The following EVI5 variants were observed in gnomAD, a reference collection of about 807,000 sequenced individuals.
The protein encoded by EVI5 is ecotropic viral integration site 5, also known as ecotropic viral integration site 5 protein homolog.
EVI5 carries 73 observed loss-of-function variants against 112.0 expected under a neutral mutation model. The observed-to-expected ratio is 0.65, with a 90% CI of 0.54 to 0.79. EVI5 has a LOEUF of 0.79. Ranked by LOEUF, EVI5 falls within the 30% of genes least tolerant of loss-of-function variation. The pLI is 0.00. For missense variants in EVI5, 900 were observed against 968.8 expected (o/e 0.93, Z 0.94); for synonymous variants, 305 against 319.9 (o/e 0.95, Z 0.50).
intron 2 of EVI5, among the ~76,000 whole-genome samples, chr1:92,706,899 T>C (rs1672054199): frequency 6.6e-6 from 1 of 152,088 alleles, no homozygotes; most frequent in South Asian, 2.1e-4. Flanking sequence ...AGGAAAACCA[T>C]GGCCGGGCGT....
In EVI5 at chr1:92,693,717, G is replaced by C. The variant is rs375701010; in HGVS notation, c.1097+85C>G. 8.2e-5 allele frequency: 60 copies of C among 728,034 alleles called. No individual in the cohort carries two copies. In the African/African-American group the frequency reaches 9.2e-4, roughly 11 times the overall value. 45.1% of individuals were successfully genotyped at this position (728,034 alleles called of 1,614,324 possible). A position where few individuals can be genotyped will look rare whatever the true frequency, so the allele number is the denominator to read the frequency against. On this transcript the variant is annotated intron_variant, in intron 9 of 19. Coordinates refer to ENST00000684568, the MANE Select transcript of EVI5 (RefSeq NM_001350197.2). ...CAATACCACCGAAGAAAATAATATA[G>C]TTCTATAACCTAAGGAGGAAAACTG...
chr1:92,599,477 A>G (rs979034118), intron 18 of EVI5, among the ~76,000 whole-genome samples: 1 of 152,074 alleles, frequency 6.6e-6, no homozygotes, highest in African/African-American at 2.4e-5. Context: ...TTCAGGTTTT[A>G]ATGAAAGATC....
chr1:92,576,249 T>A (rs1449472650), intron 18 of EVI5, among the ~76,000 whole-genome samples: 1 of 152,240 alleles, frequency 6.6e-6, no homozygotes, highest in Non-Finnish European at 1.5e-5. Context: ...CATGTGTACA[T>A]ATGTATATTA....
intron 19 of EVI5, among the ~76,000 whole-genome samples, chr1:92,545,784 T>C (rs776897965): frequency 1.3e-4 from 20 of 152,160 alleles, no homozygotes; most frequent in Non-Finnish European, 2.9e-4. Context: ...TCACTTTGGC[T>C]TCAGGAGTGC....
At chr1:92,711,177 G>T (rs1307616668) in intron 2 of EVI5, among the ~76,000 whole-genome samples, 1 of 152,148 alleles carries the variant, frequency 6.6e-6, no homozygotes, top group Non-Finnish European at 1.5e-5. Context: ...GTTCTCTTTT[G>T]AGTATTTGGA....
intron 14 of EVI5, 21 bp downstream of exon 14, chr1:92,636,181 G>A (rs769967516): frequency 1.3e-6 from 2 of 1,595,870 alleles, no homozygotes; most frequent in Admixed American, 1.7e-5. Context: ...GGGAATGACT[G>A]CATTTGTGTA....
chr1:92,538,752 C>T (rs934217915), intron 19 of EVI5, among the ~76,000 whole-genome samples: 3 of 152,090 alleles, frequency 2.0e-5, no homozygotes, highest in Admixed American at 2.0e-4. Flanking sequence ...TGATGATGTT[C>T]GAGTTGGGTC....
chr1:92,538,261 A>G (rs1238594598), intron 19 of EVI5, among the ~76,000 whole-genome samples: 3 of 152,212 alleles, frequency 2.0e-5, no homozygotes, highest in African/African-American at 7.2e-5. Flanking sequence ...GAGGCTACGA[A>G]TATGTGAGGT....
intron 19 of EVI5, among the ~76,000 whole-genome samples, chr1:92,519,061 G>A (rs1440480283): frequency 2.0e-5 from 3 of 152,042 alleles, no homozygotes; most frequent in African/African-American, 7.2e-5. Context: ...TTTTTAAAAC[G>A]TCTTTTGGAT....
intron 14 of EVI5, among the ~76,000 whole-genome samples, chr1:92,628,021 C>A (rs1194329928): frequency 6.6e-6 from 1 of 152,130 alleles, no homozygotes; most frequent in East Asian, 1.9e-4. Flanking sequence ...AACTCCTGAC[C>A]TTGTGATCCA....
intron 18 of EVI5, among the ~76,000 whole-genome samples, chr1:92,575,325 C>T (rs1670892054): frequency 6.6e-6 from 1 of 152,086 alleles, no homozygotes; most frequent in South Asian, 2.1e-4. Flanking sequence ...CATTTTACTA[C>T]CGTATATTTC....
chr1:92,561,612 T>TC (rs35627439), intron 19 of EVI5, among the ~76,000 whole-genome samples: 100 of 24,288 alleles, frequency 4.1e-3, no homozygotes, highest in Non-Finnish European at 5.2e-3. Context: ...ATCTATCCTA[T>TC]CTATCTATCT....
rs141618622 is a variant in EVI5 at position 92,572,677 on chromosome 1, G to A, written c.2071-8940C>T. ...TGGAATGATACCACCCTAACTCCAT[G>A]GGTAGGATCTGACTGGTCAAGTCTA... On this transcript the variant is annotated intron_variant, in intron 18 of 19. Transcript: ENST00000684568. 1.1e-3 allele frequency among the ~76,000 whole-genome samples: 173 copies of A among 152,180 alleles called. 2 individuals carry two copies. The Middle Eastern group carries it at 0.024, about 21-fold the overall frequency.
In EVI5 at chr1:92,693,435, T is replaced by C. The variant is rs571607149; in HGVS notation, c.1097+367A>G. Among the ~76,000 whole-genome samples the C allele has an allele frequency of 4.6e-5, 7 of 152,250 alleles. No homozygotes were observed. The South Asian group carries it at 1.5e-3, about 32-fold the overall frequency. Reference sequence around the variant, plus strand: ...GTTCTCAATCCATACCTCATGTCTATCTTGCTGGTTATGCTAATTTTGAAC... The same window carrying C: ...GTTCTCAATCCATACCTCATGTCTACCTTGCTGGTTATGCTAATTTTGAAC... On this transcript the variant is annotated intron_variant, in intron 9 of 19. Coordinates refer to ENST00000684568, the MANE Select transcript of EVI5 (RefSeq NM_001350197.2).
chr1:92,708,470 C>T (rs935157719), intron 2 of EVI5, among the ~76,000 whole-genome samples: 4 of 152,022 alleles, frequency 2.6e-5, no homozygotes, highest in African/African-American at 9.7e-5. Flanking sequence ...AAATAACAAA[C>T]AGTTAAGTGT....
At chr1:92,721,748 T>C (rs1217058395) in intron 2 of EVI5, among the ~76,000 whole-genome samples, 1 of 152,200 alleles carries the variant, frequency 6.6e-6, no homozygotes, top group East Asian at 1.9e-4. Context: ...TCTGGTATTC[T>C]GGGGTAAATT....
chr1:92,537,967 G>A (rs1309098479), intron 19 of EVI5, among the ~76,000 whole-genome samples: 1 of 151,786 alleles, frequency 6.6e-6, no homozygotes, highest in Non-Finnish European at 1.5e-5. Flanking sequence ...GTTTTTAGAA[G>A]GAAAAAACAT....
intron 1 of EVI5, among the ~76,000 whole-genome samples, chr1:92,767,744 T>C (rs1225484053): frequency 6.6e-6 from 1 of 152,230 alleles, no homozygotes; most frequent in Admixed American, 6.5e-5. Context: ...TTCTAATGCT[T>C]TACTGTTGTA....
At chr1:92,546,104 G>C (rs1431200040) in intron 19 of EVI5, among the ~76,000 whole-genome samples, 1 of 152,068 alleles carries the variant, frequency 6.6e-6, no homozygotes, top group Non-Finnish European at 1.5e-5. Context: ...ACCTAGCACA[G>C]CACTGGGATG....
Sources: gnomAD v4.1 joint callset for allele counts (sites outside exome capture counted in the v4.1 genomes callset) on GRCh38, gnomAD v4.1.1 for gene constraint, MANE v1.5 for transcripts, NCBI Gene and HGNC (gene_info 2026-07-23, HGNC 2026-07-21) for gene names.